The following PHACTR4 variants were observed in gnomAD, a reference collection of about 807,000 sequenced individuals.
PHACTR4 encodes the protein phosphatase and actin regulator 4.
A neutral mutation model predicts 72.7 loss-of-function variants in PHACTR4; 51 were observed. That is an observed-to-expected ratio of 0.70 (90% confidence interval 0.56 to 0.89). The LOEUF (loss-of-function observed/expected upper bound fraction) is 0.89. Among genes scored for constraint, PHACTR4 ranks in the 40% least tolerant of loss-of-function variants. PHACTR4 has a pLI of 0.00. For missense variants in PHACTR4, 731 were observed against 861.8 expected (o/e 0.85, Z 1.90); for synonymous variants, 255 against 302.5 (o/e 0.84, Z 1.63).
At chr1:28,472,643 C>T (rs938063330) in intron 6 of PHACTR4, among the ~76,000 whole-genome samples, 1 of 150,606 alleles carries the variant, frequency 6.6e-6, no homozygotes, top group Non-Finnish European at 1.5e-5. Context: ...CTTGTGCTGT[C>T]CAGCCTGGAG....
intron 13 of PHACTR4, among the ~76,000 whole-genome samples, chr1:28,495,031 A>G (rs1661262560): frequency 6.6e-6 from 1 of 152,242 alleles, no homozygotes. Flanking sequence ...AGACATTTCA[A>G]GCATAGAATC....
chr1:28,429,853 G>A (rs1456313300), intron 2 of PHACTR4, among the ~76,000 whole-genome samples: 2 of 152,084 alleles, frequency 1.3e-5, no homozygotes, highest in African/African-American at 4.8e-5. Context: ...AACATATATT[G>A]GTAGGTGTAA....
At chr1:28,483,677 G>A (rs1243429857) in intron 9 of PHACTR4, among the ~76,000 whole-genome samples, 4 of 150,968 alleles carry the variant, frequency 2.6e-5, no homozygotes, top group Non-Finnish European at 5.9e-5. Flanking sequence ...TGCTGGGCCT[G>A]TAGCCCAGCT....
chr1:28,459,300 C>T lies in PHACTR4; in HGVS notation c.190+42C>T, dbSNP rs1393826208. ...TAAATGTGTGTTCTGAGTTAGAATTCTCTATGTTAGATGTATTTAATTTTT... is the reference window on the plus strand; with the variant it reads ...TAAATGTGTGTTCTGAGTTAGAATTTTCTATGTTAGATGTATTTAATTTTT... On this transcript the variant is annotated intron_variant, in intron 3 of 13. Transcript: ENST00000373839. 8.4e-6 allele frequency: 13 copies of T among 1,550,616 alleles called. 1 individual carries two copies. In the South Asian group the frequency reaches 1.3e-4, roughly 15 times the overall value.
intron 2 of PHACTR4, among the ~76,000 whole-genome samples, chr1:28,424,855 G>A (rs1281047248): frequency 6.6e-6 from 1 of 150,576 alleles, no homozygotes; most frequent in East Asian, 2.0e-4. Context: ...ATGCAGTGGT[G>A]CAATCTAGGC....
intron 2 of PHACTR4, among the ~76,000 whole-genome samples, chr1:28,425,654 ATAGC>A (rs778989798): frequency 6.6e-6 from 1 of 152,250 alleles, no homozygotes; most frequent in African/African-American, 2.4e-5. Context: ...TACAAATGTT[ATAGC>A]TAGCTGTCAT....
intron 1 of PHACTR4, 148 bp downstream of exon 1, chr1:28,369,973 A>G: frequency 3.0e-6 from 1 of 337,178 alleles, no homozygotes; most frequent in South Asian, 2.2e-5. Context: ...GCTTCGGGCC[A>G]GGGCGGGGCG....
chr1:28,455,178 C>CTTTTTG (rs1184476534), intron 2 of PHACTR4, among the ~76,000 whole-genome samples: 2 of 129,656 alleles, frequency 1.5e-5, no homozygotes, highest in Admixed American at 7.7e-5. Context: ...CCTCATTTTT[C>CTTTTTG]TTTTTCTTTT....
intron 6 of PHACTR4, among the ~76,000 whole-genome samples, chr1:28,470,116 G>A (rs1659469594): frequency 6.6e-6 from 1 of 151,506 alleles, no homozygotes; most frequent in South Asian, 2.1e-4. Flanking sequence ...ATTAGGCCAG[G>A]CACAGTGGCT....
At chr1:28,450,676 G>A (rs1657879330) in intron 2 of PHACTR4, among the ~76,000 whole-genome samples, 1 of 152,044 alleles carries the variant, frequency 6.6e-6, no homozygotes, top group Non-Finnish European at 1.5e-5. Context: ...TTGTAGTACA[G>A]TGGTATGATC....
intron 2 of PHACTR4, among the ~76,000 whole-genome samples, chr1:28,417,906 C>A (rs1419885809): frequency 6.7e-6 from 1 of 149,828 alleles, no homozygotes; most frequent in African/African-American, 2.5e-5. Flanking sequence ...TTGCTTGAGC[C>A]CAGGAGTTCA....
intron 2 of PHACTR4, among the ~76,000 whole-genome samples, chr1:28,435,719 TGTTA>T (rs1193935027): frequency 2.0e-5 from 3 of 152,238 alleles, no homozygotes; most frequent in African/African-American, 4.8e-5. Flanking sequence ...CAATATACTG[TGTTA>T]GTTCCATGAT....
intron 1 of PHACTR4, among the ~76,000 whole-genome samples, chr1:28,406,391 A>T (rs1452191962): frequency 6.6e-6 from 1 of 152,142 alleles, no homozygotes; most frequent in Non-Finnish European, 1.5e-5. Flanking sequence ...CTAAGGATGG[A>T]TCTAATTGAT....
chr1:28,457,085 A>C (rs1658445512), intron 2 of PHACTR4, among the ~76,000 whole-genome samples: 1 of 152,090 alleles, frequency 6.6e-6, no homozygotes, highest in Non-Finnish European at 1.5e-5. Context: ...TGAGGATGCT[A>C]TTTTGCCTAA....
chr1:28,451,130 A>G (rs966166828), intron 2 of PHACTR4, among the ~76,000 whole-genome samples: 1 of 151,440 alleles, frequency 6.6e-6, no homozygotes, highest in South Asian at 2.1e-4. Context: ...TAATTTTTGT[A>G]TTTTTGTAAA....
chr1:28,474,609 C>T lies in PHACTR4; in HGVS notation c.1421+458C>T, dbSNP rs1208256389. 3.3e-5 allele frequency among the ~76,000 whole-genome samples: 5 copies of T among 151,194 alleles called. No homozygotes were observed. In the Admixed American group the frequency reaches 3.3e-4, roughly 10 times the overall value. ...CCGGGCTGGAGTGCAGTGGCACGATCTCCGCTCACTGTAACCTCTGCCGCC... is the reference window on the plus strand; with the variant it reads ...CCGGGCTGGAGTGCAGTGGCACGATTTCCGCTCACTGTAACCTCTGCCGCC... On this transcript the variant is annotated intron_variant, in intron 7 of 13. Transcript: ENST00000373839.
chr1:28,385,611 T>C (rs1260432119), intron 1 of PHACTR4, among the ~76,000 whole-genome samples: 7 of 134,666 alleles, frequency 5.2e-5, no homozygotes, highest in Non-Finnish European at 1.1e-4. Context: ...TGGTTTTAAG[T>C]GAATTTTTTT....
chr1:28,408,601 TAGC>T (rs1654536076), intron 2 of PHACTR4, among the ~76,000 whole-genome samples: 1 of 151,958 alleles, frequency 6.6e-6, no homozygotes, highest in South Asian at 2.1e-4. Flanking sequence ...GTAATCATAA[TAGC>T]AGGCATGTGT....
chr1:28,427,337 C>G (rs1306651934), intron 2 of PHACTR4, among the ~76,000 whole-genome samples: 1 of 151,918 alleles, frequency 6.6e-6, no homozygotes. Context: ...ATCAGCCTGG[C>G]CAACATGGTG....
Sources: gnomAD v4.1 joint callset for allele counts (sites outside exome capture counted in the v4.1 genomes callset) on GRCh38, gnomAD v4.1.1 for gene constraint, MANE v1.5 for transcripts, NCBI Gene and HGNC (gene_info 2026-07-23, HGNC 2026-07-21) for gene names.